The following TGFBR3 variants were observed in gnomAD, a reference collection of about 807,000 sequenced individuals.
The protein encoded by TGFBR3 is transforming growth factor beta receptor 3, also known as transforming growth factor beta receptor type 3.
A neutral mutation model predicts 87.9 loss-of-function variants in TGFBR3; 46 were observed. The ratio of observed to expected loss-of-function variants is 0.52; its 90% CI spans 0.41 to 0.67. The LOEUF (loss-of-function observed/expected upper bound fraction) is 0.67, where lower values mean the gene tolerates loss of function less well. TGFBR3 is among the 30% of genes least tolerant of loss of function. The pLI, the probability that TGFBR3 is intolerant of heterozygous loss-of-function variation, is 0.00. For missense variants in TGFBR3, 866 were observed against 1,041.9 expected, an observed-to-expected ratio of 0.83 and a Z score of 2.32; for synonymous variants, 381 against 391.6, an observed-to-expected ratio of 0.97 and a Z score of 0.32.
At chr1:91,700,713 G>C (rs1671590896) in intron 14 of TGFBR3, among the ~76,000 whole-genome samples, 1 of 152,196 alleles carries the variant, frequency 6.6e-6, no homozygotes. Flanking sequence ...TACCCTGGGA[G>C]CTGGGTCCCA....
intron 2 of TGFBR3, among the ~76,000 whole-genome samples, chr1:91,819,135 C>T (rs984124165): frequency 2.0e-5 from 3 of 152,018 alleles, no homozygotes; most frequent in African/African-American, 4.8e-5. Flanking sequence ...TTTGGGAGGC[C>T]GAGGCAGGTG....
At chr1:91,770,861 A>T (rs1557701747) in intron 3 of TGFBR3, 1 of 152,160 alleles carries the variant, frequency 6.6e-6, no homozygotes, top group Non-Finnish European at 1.5e-5. Context: ...TTTCTCTAGG[A>T]TGTGTCCCAT....
At chr1:91,719,556 G>A in intron 9 of TGFBR3, 92 bp from the exon 10 acceptor site, 4 of 1,508,320 alleles carry the variant, frequency 2.7e-6, no homozygotes, top group African/African-American at 1.4e-5. Flanking sequence ...GTCTTCCAAG[G>A]ACAGGCGATG....
chr1:91,690,398 G>T (rs551357986), intron 16 of TGFBR3, among the ~76,000 whole-genome samples: 1 of 152,082 alleles, frequency 6.6e-6, no homozygotes, highest in Non-Finnish European at 1.5e-5. Context: ...CATTCAAAAG[G>T]GGGGGATTCG....
chr1:91,734,173 A>G (rs17884614), intron 5 of TGFBR3, among the ~76,000 whole-genome samples: 3,778 of 152,064 alleles, frequency 0.025, 139 homozygotes, highest in African/African-American at 0.084. Flanking sequence ...GTTTCTGGAT[A>G]TTTCTATCCC....
At chr1:91,882,765 T>C (rs1397383434) in intron 1 of TGFBR3, among the ~76,000 whole-genome samples, 1 of 152,016 alleles carries the variant, frequency 6.6e-6, no homozygotes, top group Non-Finnish European at 1.5e-5. Context: ...AATAAATAAA[T>C]AGATAAATGT....
chr1:91,846,107 A>G (rs893198067), intron 2 of TGFBR3, among the ~76,000 whole-genome samples: 7 of 152,270 alleles, frequency 4.6e-5, no homozygotes, highest in Middle Eastern at 3.4e-3. Context: ...CAGTTTAGAA[A>G]ACAATATAGC....
intron 2 of TGFBR3, among the ~76,000 whole-genome samples, chr1:91,805,099 T>A: frequency 6.6e-6 from 1 of 152,220 alleles, no homozygotes; most frequent in East Asian, 1.9e-4. Context: ...TAACCCACTA[T>A]AAGTAAACTG....
At chr1:91,742,086 G>C (rs781047101) in intron 4 of TGFBR3, among the ~76,000 whole-genome samples, 5 of 152,080 alleles carry the variant, frequency 3.3e-5, no homozygotes, top group African/African-American at 7.2e-5. Context: ...GCCTGAACCC[G>C]TCTATCCTAC....
At chr1:91,787,943 G>GGAAAAAA (rs945269870) in intron 3 of TGFBR3, among the ~76,000 whole-genome samples, 4 of 133,304 alleles carry the variant, frequency 3.0e-5, no homozygotes, top group Admixed American at 7.4e-5. Flanking sequence ...GTCTCACGGG[G>GGAAAAAA]AAAAAAAAAA....
intron 2 of TGFBR3, among the ~76,000 whole-genome samples, chr1:91,809,024 T>C (rs1675935155): frequency 6.6e-6 from 1 of 152,216 alleles, no homozygotes; most frequent in Non-Finnish European, 1.5e-5. Context: ...CACTTCTTTA[T>C]TAAAATGCAA....
chr1:91,698,253 T>C (rs1054280968), intron 14 of TGFBR3, 123 bp from the exon 15 acceptor site: 12 of 842,594 alleles, frequency 1.4e-5, no homozygotes, highest in Non-Finnish European at 2.2e-5. Context: ...GAGAAAGCTC[T>C]GTCAATGATC....
intron 3 of TGFBR3, among the ~76,000 whole-genome samples, chr1:91,767,315 T>G (rs75899677): frequency 0.013 from 1,753 of 133,946 alleles, 400 homozygotes; most frequent in African/African-American, 0.047. Flanking sequence ...TATATTAACC[T>G]GAAGCTGGTA....
intron 4 of TGFBR3, among the ~76,000 whole-genome samples, chr1:91,736,392 A>G (rs766382920): frequency 6.7e-6 from 1 of 149,872 alleles, no homozygotes; most frequent in Non-Finnish European, 1.5e-5. Context: ...GCCCTGAATT[A>G]ATCACTAATA....
chr1:91,811,594 G>A (rs1299228801), intron 2 of TGFBR3, among the ~76,000 whole-genome samples: 1 of 152,030 alleles, frequency 6.6e-6, no homozygotes, highest in Non-Finnish European at 1.5e-5. Context: ...ATTTCTGAAA[G>A]GATAAAATCT....
intron 4 of TGFBR3, among the ~76,000 whole-genome samples, chr1:91,739,193 G>A (rs1673065070): frequency 6.6e-6 from 1 of 152,140 alleles, no homozygotes; most frequent in Admixed American, 6.5e-5. Flanking sequence ...TCGCAGGATG[G>A]CTCTGGCTGC....
chr1:91,824,063 G>A (rs1286015550), intron 2 of TGFBR3, among the ~76,000 whole-genome samples: 1 of 152,208 alleles, frequency 6.6e-6, no homozygotes, highest in East Asian at 1.9e-4. Context: ...CTGGGAGGTT[G>A]AGGGTGCAGT....
intron 16 of TGFBR3, among the ~76,000 whole-genome samples, chr1:91,694,946 T>A (rs1053526085): frequency 6.6e-6 from 1 of 152,172 alleles, no homozygotes; most frequent in African/African-American, 2.4e-5. Flanking sequence ...TCTTTCTCCA[T>A]TGCACTAAAG....
Position 91,719,892 on chromosome 1 carries a change from C to G in TGFBR3, c.1413+1G>C, listed in dbSNP as rs1672300726. 6.2e-7 allele frequency: 1 copy of G among 1,614,028 alleles called. No individual in the cohort carries two copies. The highest frequency in any genetic ancestry group is 1.3e-5 in the African/African-American group (1 of 74,930). On this transcript the variant is annotated splice_donor_variant, in intron 9 of 16. Transcript: ENST00000212355. LOFTEE classifies it high-confidence loss of function. ...TCCCTCCTGTAATCAGCTGCACCGA[C>G]CTGAAAAGAATCTTTTTCTACAGCC...
Sources: gnomAD v4.1 joint callset for allele counts (sites outside exome capture counted in the v4.1 genomes callset) on GRCh38, gnomAD v4.1.1 for gene constraint, MANE v1.5 for transcripts, NCBI Gene and HGNC (gene_info 2026-07-23, HGNC 2026-07-21) for gene names.